Variants in SPIN3 observed in about 807,000 individuals in gnomAD.
SPIN3 encodes the protein spindlin family member 3.
For synonymous variants in SPIN3, 74 were observed against 74.3 expected (o/e 1.00, Z 0.02); for missense variants, 176 against 196.4 (o/e 0.90, Z 0.62).
chrX:56,983,540 C>G lies in SPIN3; in HGVS notation c.*204+726G>C, dbSNP rs146546171. On this transcript the variant is annotated intron_variant and NMD_transcript_variant, in intron 3 of 5. Transcript: ENST00000475785. ...GTTTTGGAAAGAAGTGGGCCAAGCA[C>G]CATTTGAATTACTGTGTGGGTGAAT... Among the ~76,000 whole-genome samples, 122 of 112,766 alleles carry G rather than the reference C, an allele frequency of 1.1e-3. 1 individual carries two copies. In the East Asian group the frequency reaches 0.024, roughly 22 times the overall value.
At chrX:56,995,108 GCTGA>G in intron 1 of SPIN3, 104 bp downstream of exon 1, 4 of 547,383 alleles carry the variant, frequency 7.3e-6, no homozygotes, top group Non-Finnish European at 1.1e-5. Context: ...AGGCACCCTG[GCTGA>G]GTGCCTGCAG....
Position 56,992,567 on chromosome X carries a change from T to C in SPIN3, c.*1604A>G. Reference sequence around the variant, plus strand: ...ATCTGTGCCGGTAGTCTGGACTCCATGACCTGTGAACTTAAACTAATTTGG... The same window carrying C: ...ATCTGTGCCGGTAGTCTGGACTCCACGACCTGTGAACTTAAACTAATTTGG... On this transcript the variant is annotated 3_prime_UTR_variant, in exon 2 of 2. Transcript: ENST00000374919. 1 of 297,380 alleles carries C rather than the reference T, an allele frequency of 3.4e-6. No homozygotes were observed. The highest frequency in any genetic ancestry group is 4.8e-5 in the East Asian group (1 of 21,037). The allele number at this position is 297,380 out of a possible 1,213,427, so 24.5% of individuals were successfully genotyped here.
intron 3 of SPIN3, chrX:56,980,082 C>T (rs1171354377): frequency 9.0e-6 from 1 of 111,709 alleles, no homozygotes; most frequent in Non-Finnish European, 1.9e-5. Context: ...ATTCTGGTTC[C>T]ACCTGACAGA....
intron 3 of SPIN3, chrX:56,981,572 G>C (rs942036697): frequency 9.0e-6 from 1 of 110,710 alleles, no homozygotes; most frequent in African/African-American, 3.3e-5. Context: ...ACTACCAATG[G>C]ATAAAAAGTT....
chrX:56,991,272 G>A lies in SPIN3; in HGVS notation c.*2899C>T. The A allele has an allele frequency of 9.0e-6, 1 of 111,709 alleles. No homozygotes were observed. Among genetic ancestry groups the A allele is most frequent in the Non-Finnish European group, 1.9e-5 (1 of 53,153 alleles). 9.2% of individuals were successfully genotyped at this position (111,709 alleles called of 1,213,427 possible). Reference sequence around the variant, plus strand: ...AATGAACTTCTATCATAAGTCTAACGACTTTGGGATTCCCCCACCCCAAGG... The same window carrying A: ...AATGAACTTCTATCATAAGTCTAACAACTTTGGGATTCCCCCACCCCAAGG... On this transcript the variant is annotated 3_prime_UTR_variant, in exon 2 of 2. Transcript: ENST00000374919.
rs1924443307 is a variant in SPIN3 at position 56,994,695 on chromosome X, T to C, written c.253A>G (p.Ile85Val). 8.3e-7 allele frequency: 1 copy of C among 1,210,338 alleles called. No homozygotes were observed. The highest frequency in any genetic ancestry group is 1.7e-5 in the African/African-American group (1 of 57,272). The part of the protein sequence containing the change: ...QVPVNPSLYL[I>V]KYDGFDCVYG... ...ACACAGTCAAATCCATCATATTTGATAAGATACAGAGAGGGATTTACAGGT... is the reference window on the plus strand; with the variant it reads ...ACACAGTCAAATCCATCATATTTGACAAGATACAGAGAGGGATTTACAGGT... The change falls in exon 2 of 2, where the codon ATC becomes GTC. Residue 85 changes from isoleucine (I) to valine (V), a missense_variant. Ile to Val is a conservative substitution (Grantham distance 29). Coordinates refer to ENST00000374919, the MANE Select transcript of SPIN3 (RefSeq NM_001010862.3).
intron 3 of SPIN3, among the ~76,000 whole-genome samples, chrX:56,981,068 C>T (rs1924107306): frequency 9.2e-6 from 1 of 108,788 alleles, no homozygotes; most frequent in African/African-American, 3.4e-5. Context: ...CTCTCTAAAT[C>T]CACAGATTCA....
rs1180576737 is a variant in SPIN3, at chrX:56,994,746, A to G, written c.202T>C (p.Trp68Arg). 8.3e-7 allele frequency: 1 copy of G among 1,209,954 alleles called. No homozygotes were observed. The highest frequency in any genetic ancestry group is 1.7e-5 in the African/African-American group (1 of 57,145). The change falls in exon 2 of 2, where the codon TGG becomes CGG. Residue 68 changes from tryptophan (W) to arginine (R), a missense_variant. Transcript: ENST00000374919. Reference protein sequence around the residue: ...WKDGDEPLTQWKGTVLDQVPV... With the variant: ...WKDGDEPLTQRKGTVLDQVPV... The stretch of plus-strand genomic sequence containing the variant: ...ACCTGATCCAGAACGGTTCCTTTCC[A>G]CTGTGTTAGAGGTTCATCTCCATCT...
intron 3 of SPIN3, chrX:56,982,903 A>T (rs1439549946): frequency 8.9e-6 from 1 of 111,804 alleles, no homozygotes; most frequent in East Asian, 2.8e-4. Flanking sequence ...AAACCAAGAG[A>T]CTTGAAACAA....
At chrX:56,980,391 A>G (rs1355627834) in intron 3 of SPIN3, 1 of 111,135 alleles carries the variant, frequency 9.0e-6, no homozygotes, top group African/African-American at 3.3e-5. Flanking sequence ...AAAAAGCAGG[A>G]CACAAAAATA....
At chrX:56,977,304 T>C (rs752043806) in intron 5 of SPIN3, 36 of 112,118 alleles carry the variant, frequency 3.2e-4, no homozygotes, top group Admixed American at 5.7e-4. Context: ...TTGTTCATAA[T>C]AACCACATTT....
At chrX:56,990,094 C>T (rs928475249), downstream of SPIN3, among the ~76,000 whole-genome samples, 1 of 110,786 alleles carries the variant, frequency 9.0e-6, no homozygotes, top group Non-Finnish European at 1.9e-5. Context: ...CAGTGTATTT[C>T]ATCCCTGAGA....
At chrX:56,984,397 C>A in exon 3 of SPIN3, 4 of 312,533 alleles carry the variant, frequency 1.3e-5, no homozygotes, top group South Asian at 1.1e-4. Flanking sequence ...CTGGTGCTCA[C>A]ACCGGTGGAC....
chrX:56,988,304 G>A (rs971019432), downstream of SPIN3, among the ~76,000 whole-genome samples: 6 of 111,265 alleles, frequency 5.4e-5, no homozygotes, highest in Admixed American at 2.9e-4. Flanking sequence ...GGAAAGAGAC[G>A]TGGGTAATTT....
rs1331440875 is a variant in SPIN3, at chrX:56,990,887, A to G, written c.*3284T>C. On this transcript the variant is annotated 3_prime_UTR_variant, in exon 2 of 2. Transcript: ENST00000374919. ...TTCAGTGAAAAAAGCAAAATTCAGAACAGCATGTATAGTATGCCACCATTT... is the reference window on the plus strand; with the variant it reads ...TTCAGTGAAAAAAGCAAAATTCAGAGCAGCATGTATAGTATGCCACCATTT... The G allele has an allele frequency of 9.7e-6, 1 of 103,549 alleles. No homozygotes were observed. Among genetic ancestry groups the G allele is most frequent in the Non-Finnish European group, 2.0e-5 (1 of 50,598 alleles). The allele number at this position is 103,549 out of a possible 1,213,427, so 8.5% of individuals were successfully genotyped here.
In SPIN3 at chrX:56,993,969, C is replaced by A; in HGVS notation, c.*202G>T. 2.5e-6 allele frequency: 1 copy of A among 394,201 alleles called. No individual in the cohort carries two copies. 32.5% of individuals were successfully genotyped at this position (394,201 alleles called of 1,213,427 possible). ...CCCTTCTCACTAATCAGTTAAATTG[C>A]GGAGAGGAACCAGTGAAAAGGTTGG... is the stretch of plus-strand genomic sequence containing the variant. On this transcript the variant is annotated 3_prime_UTR_variant, in exon 2 of 2. Coordinates refer to ENST00000374919, the MANE Select transcript of SPIN3 (RefSeq NM_001010862.3).
rs762760057 is a variant in SPIN3, at chrX:56,994,868, A to C, written c.80T>G (p.Met27Arg). The change falls in exon 2 of 2, where the codon ATG (methionine) becomes AGG (arginine). Residue 27 changes from methionine to arginine, a missense_variant. Coordinates refer to ENST00000374919, the MANE Select transcript of SPIN3 (RefSeq NM_001010862.3). ...CTTGTGTGCAGCCTTCCTCTTTATC[A>C]TGGTAACAGACACACTGCCGTGGCC... ...GAGHGSVSVTMIKRKAAHKKH... is the reference protein window; with the variant it reads ...GAGHGSVSVTRIKRKAAHKKH... The C allele has an allele frequency of 4.1e-6, 5 of 1,211,379 alleles. No individual in the cohort carries two copies. Among genetic ancestry groups the C allele is most frequent in the Non-Finnish European group, 4.5e-6 (4 of 895,421 alleles).
At chrX:56,986,421 G>C (rs957852982), downstream of SPIN3, among the ~76,000 whole-genome samples, 1 of 111,327 alleles carries the variant, frequency 9.0e-6, no homozygotes, top group African/African-American at 3.3e-5. Context: ...CTATTACTTG[G>C]CATCAAGAGA....
chrX:56,978,211 A>T (rs916991691), intron 5 of SPIN3: 2 of 112,447 alleles, frequency 1.8e-5, no homozygotes, highest in African/African-American at 3.2e-5. Context: ...GCCTAGACAG[A>T]ATTTCCTCCA....
Sources: gnomAD v4.1 joint callset for allele counts (sites outside exome capture counted in the v4.1 genomes callset) on GRCh38, gnomAD v4.1.1 for gene constraint, MANE v1.5 for transcripts, NCBI Gene and HGNC (gene_info 2026-07-23, HGNC 2026-07-21) for gene names.